The following VPS4A variants were observed in gnomAD, a reference collection of about 807,000 sequenced individuals.
VPS4A encodes vacuolar protein sorting 4 homolog A, also known as vacuolar protein sorting-associated protein 4A.
VPS4A carries 20 observed loss-of-function variants against 52.3 expected under a neutral mutation model. The observed-to-expected ratio is 0.38, with a 90% CI of 0.27 to 0.56. The LOEUF (loss-of-function observed/expected upper bound fraction) is 0.56, where lower values mean the gene tolerates loss of function less well. VPS4A is among the 20% of genes least tolerant of loss of function. VPS4A has a pLI of 0.72. For synonymous variants in VPS4A, 293 were observed against 227.7 expected, an observed-to-expected ratio of 1.29 and a Z score of -2.58; for missense variants, 419 against 575.9, an observed-to-expected ratio of 0.73 and a Z score of 2.79.
At chr16:69,312,883 G>A (rs528845753) in intron 1 of VPS4A, among the ~76,000 whole-genome samples, 8 of 152,250 alleles carry the variant, frequency 5.3e-5, no homozygotes, top group African/African-American at 1.9e-4. Flanking sequence ...AGAGTGCTGG[G>A]ATTACAGGTG....
At position 69,322,667 on chromosome 16, in the gene VPS4A, T is replaced by A; in HGVS notation, c.1179T>A (p.Pro393=). 6.2e-7 allele frequency: 1 copy of A among 1,613,844 alleles called. No homozygotes were observed. Among genetic ancestry groups the A allele is most frequent in the Non-Finnish European group, 8.5e-7 (1 of 1,179,814 alleles). Residue 393 remains proline (P), a synonymous_variant, in exon 10 of 11, where the codon CCT becomes CCA. Transcript: ENST00000254950. ...GAMEMTWMDV[P]GDKLLEPVVC... ...TGGAGATGACTTGGATGGATGTCCC[T>A]GGGGACAAACTCTTAGAGCCTGTGG...
intron 5 of VPS4A, 68 bp downstream of exon 5, chr16:69,319,010 G>A: frequency 1.3e-6 from 2 of 1,571,502 alleles, no homozygotes; most frequent in Non-Finnish European, 1.7e-6. Flanking sequence ...GCACTCCGAG[G>A]CACCCGGGAG....
chr16:69,322,786 C>T (rs1226590781), intron 10 of VPS4A, 86 bp downstream of exon 10: 5 of 1,503,978 alleles, frequency 3.3e-6, no homozygotes, highest in South Asian at 2.7e-5. Context: ...CGGTCTTCTC[C>T]AGGCCAGGCA....
intron 1 of VPS4A, 80 bp from the exon 2 acceptor site, chr16:69,315,928 C>A: frequency 2.4e-6 from 3 of 1,230,422 alleles, no homozygotes; most frequent in South Asian, 2.6e-5. Context: ...TCCCTCGTCA[C>A]GTTTCATCCC....
At position 69,325,201 on chromosome 16, in the gene VPS4A, G is replaced by A. The variant is rs981894016; in HGVS notation, c.*892G>A. ...TCTTAGGCCTGTTCTCCAGTCAGGT[G>A]TGCAAGGCCTCCTCCCCTTAAGGCC... is the stretch of plus-strand genomic sequence containing the variant. On this transcript the variant is annotated 3_prime_UTR_variant, in exon 11 of 11. Coordinates refer to ENST00000254950, the MANE Select transcript of VPS4A (RefSeq NM_013245.3). 1.3e-5 allele frequency: 2 copies of A among 152,262 alleles called. No individual in the cohort carries two copies. 9.4% of individuals were successfully genotyped at this position (152,262 alleles called of 1,614,324 possible). A position where few individuals can be genotyped will look rare whatever the true frequency, so the allele number is the denominator to read the frequency against.
Position 69,322,575 on chromosome 16 carries a change from C to T in VPS4A, c.1087C>T (p.Arg363Cys), listed in dbSNP as rs201855530. The change falls in exon 10 of 11, where the codon CGC becomes TGC. Residue 363 changes from arginine (R) to cysteine (C), a missense_variant. Physicochemically the swap from Arg to Cys is radical, Grantham distance 180. Around this residue, in one of 3 missense-constraint regions of VPS4A, gnomAD observed 185 missense variants for 200.2 expected, o/e 0.92. Coordinates refer to ENST00000254950, the MANE Select transcript of VPS4A (RefSeq NM_013245.3). ...THFKKVCGPS[R>C]TNPSMMIDDL... ...TTGGTTTCAGGTCTGTGGCCCCTCT[C>T]GCACCAACCCCAGCATGATGATTGA... 79 of 1,613,278 alleles carry T rather than the reference C, an allele frequency of 4.9e-5. No individual in the cohort carries two copies. The highest frequency in any genetic ancestry group is 1.3e-4 in the South Asian group (12 of 91,002).
At position 69,321,283 on chromosome 16, in the gene VPS4A, G is replaced by A. The variant is rs770458750; in HGVS notation, c.1071+13G>A. The A allele has an allele frequency of 5.2e-5, 81 of 1,548,714 alleles. No homozygotes were observed. The highest frequency in any genetic ancestry group is 3.4e-4 in the Middle Eastern group (2 of 5,870). On this transcript the variant is annotated intron_variant, in intron 9 of 10. Transcript: ENST00000254950. This position sits in a 1 kb window ranked among gnomAD's most constrained non-coding sequence, Gnocchi z 4.5. ...ACACTTCAAAAAGGTGAGTGCCCGC[G>A]GCCACTGCTGAGAAAAATCTCATAG... is the stretch of plus-strand genomic sequence containing the variant.
At chr16:69,314,739 G>C (rs1020057698) in intron 1 of VPS4A, among the ~76,000 whole-genome samples, 1 of 152,082 alleles carries the variant, frequency 6.6e-6, no homozygotes, top group African/African-American at 2.4e-5. Flanking sequence ...CTTCCTTGCA[G>C]ATAAGAGAGG....
chr16:69,319,365 C>T lies in VPS4A; in HGVS notation c.464-22C>T, dbSNP rs576161435. ...TCCTTTCCCCAGTCAGGAGGCCTAA[C>T]TTCTGTGGTTCTCTGTTGCAGGCAA... On this transcript the variant is annotated intron_variant, in intron 5 of 10. Transcript: ENST00000254950. 162 of 1,613,118 alleles carry T rather than the reference C, an allele frequency of 1.0e-4. 2 individuals carry two copies. The South Asian group carries it at 1.7e-3, about 17-fold the overall frequency.
chr16:69,324,533 T>C lies in VPS4A; in HGVS notation c.*224T>C, dbSNP rs374298689. ...AGTGGACACTGCTCTTCCTACTTCC[T>C]CCTCTCCTGGATGCTCATCAGCTCC... On this transcript the variant is annotated 3_prime_UTR_variant, in exon 11 of 11. Transcript: ENST00000254950. The C allele has an allele frequency of 1.8e-6, 1 of 548,948 alleles. No homozygotes were observed. The highest frequency in any genetic ancestry group is 3.0e-5 in the East Asian group (1 of 33,006). The allele number at this position is 548,948 out of a possible 1,614,324, so 34.0% of individuals were successfully genotyped here.
At chr16:69,313,292 C>T (rs1014125753) in intron 1 of VPS4A, among the ~76,000 whole-genome samples, 1 of 151,288 alleles carries the variant, frequency 6.6e-6, no homozygotes, top group Non-Finnish European at 1.5e-5. Context: ...GCGCAACTCA[C>T]CCATTTAAAG....
chr16:69,315,923 C>A, intron 1 of VPS4A, 85 bp from the exon 2 acceptor site: 2 of 1,146,030 alleles, frequency 1.7e-6, no homozygotes, highest in South Asian at 1.4e-5. Flanking sequence ...CGGCATCCCT[C>A]GTCACGTTTC....
rs1471552080 is a variant in VPS4A, at chr16:69,325,002, T to TC, written c.*695dup. 6.6e-6 allele frequency: 1 copy of TC among 152,570 alleles called. No individual in the cohort carries two copies. Among genetic ancestry groups the TC allele is most frequent in the African/African-American group, 2.4e-5 (1 of 41,462 alleles). 9.5% of individuals were successfully genotyped at this position (152,570 alleles called of 1,614,324 possible). ...CCCAGCCACTGCCCCTGGGTCCCTG[T>TC]CCTGGAAATGGTCTAATAAATCCTT... On this transcript the variant is annotated 3_prime_UTR_variant, in exon 11 of 11. Transcript: ENST00000254950.
In VPS4A at chr16:69,321,671, C is replaced by T. The variant is rs906218800; in HGVS notation, c.1071+401C>T. ...TTTGCTGTGGGTCCTCCTGTGTGCC[C>T]GGCCCTGTCCTAAGTGCTGGGAAGA... On this transcript the variant is annotated intron_variant, in intron 9 of 10. Coordinates refer to ENST00000254950, the MANE Select transcript of VPS4A (RefSeq NM_013245.3). This position sits in a 1 kb window ranked among gnomAD's most constrained non-coding sequence, Gnocchi z 4.5. 5 of 237,656 alleles carry T rather than the reference C, an allele frequency of 2.1e-5. No homozygotes were observed. The highest frequency in any genetic ancestry group is 4.2e-5 in the Non-Finnish European group (5 of 118,774). 14.7% of individuals were successfully genotyped at this position (237,656 alleles called of 1,614,324 possible).
Position 69,326,087 on chromosome 16 carries a change from TGAA to T in VPS4A, c.*1780_*1782del. On this transcript the variant is annotated 3_prime_UTR_variant, in exon 11 of 11. Transcript: ENST00000254950. ...ACACAGAAAGACCTGGCCTAGTAAA[TGAA>T]GCTTATAGCCTGCAAAGGGCTTTGT... is the stretch of plus-strand genomic sequence containing the variant. 1 of 152,358 alleles carries T rather than the reference TGAA, an allele frequency of 6.6e-6. No individual in the cohort carries two copies. The highest frequency in any genetic ancestry group is 6.5e-5 in the Admixed American group (1 of 15,280). 9.4% of individuals were successfully genotyped at this position (152,358 alleles called of 1,614,324 possible).
chr16:69,317,142 GGA>G (rs1224166149), intron 3 of VPS4A, among the ~76,000 whole-genome samples: 1 of 152,208 alleles, frequency 6.6e-6, no homozygotes, highest in Non-Finnish European at 1.5e-5. Flanking sequence ...ATCCGCAGAG[GGA>G]GAGGTCTGGC....
At chr16:69,319,015 C>T (rs942798886) in intron 5 of VPS4A, 73 bp downstream of exon 5, 197 of 1,567,834 alleles carry the variant, frequency 1.3e-4, no homozygotes, top group East Asian at 1.3e-4. Flanking sequence ...CCGAGGCACC[C>T]GGGAGTCAGT....
rs573064550 is a variant in VPS4A, at chr16:69,320,368, G to C, written c.769+79G>C. ...TGGGCTTTATTCTGAGCTGCGGCTGGATTTGGTTGTTCTCAGCCTCGGAGA... is the reference window on the plus strand; with the variant it reads ...TGGGCTTTATTCTGAGCTGCGGCTGCATTTGGTTGTTCTCAGCCTCGGAGA... On this transcript the variant is annotated intron_variant, in intron 7 of 10. Transcript: ENST00000254950. The surrounding 1 kb of genome is among the most constrained non-coding windows in gnomAD (Gnocchi z 4.2). 7 of 1,563,096 alleles carry C rather than the reference G, an allele frequency of 4.5e-6. No individual in the cohort carries two copies. The highest frequency in any genetic ancestry group is 5.2e-6 in the Non-Finnish European group (6 of 1,149,022).
chr16:69,324,472 G>T lies in VPS4A; in HGVS notation c.*163G>T, dbSNP rs758034732. 9 of 721,358 alleles carry T rather than the reference G, an allele frequency of 1.2e-5. No homozygotes were observed. Among genetic ancestry groups the T allele is most frequent in the African/African-American group, 3.5e-5 (2 of 57,088 alleles). 44.7% of individuals were successfully genotyped at this position (721,358 alleles called of 1,614,324 possible). A position where few individuals can be genotyped will look rare whatever the true frequency, so the allele number is the denominator to read the frequency against. ...CCAGGGAGCCAGAAGGAAGGGCCTT[G>T]CAGCCACAGAGACACTCCACTGCCC... On this transcript the variant is annotated 3_prime_UTR_variant, in exon 11 of 11. Transcript: ENST00000254950.
Sources: allele counts gnomAD v4.1 joint callset (sites outside exome capture counted in the v4.1 genomes callset), GRCh38; gene constraint gnomAD v4.1.1; regional missense constraint gnomAD v4.1.1; non-coding constraint Gnocchi (gnomAD v3.1); transcripts MANE v1.5; gene names NCBI Gene and HGNC (gene_info 2026-07-23, HGNC 2026-07-21).